The following C17orf75 variants were observed in gnomAD, a reference collection of about 807,000 sequenced individuals.
C17orf75 encodes protein Njmu-R1.
In C17orf75, 32 loss-of-function variants were observed where a neutral mutation model predicts 49.6. The ratio of observed to expected loss-of-function variants is 0.65; its 90% CI spans 0.49 to 0.87. The LOEUF (loss-of-function observed/expected upper bound fraction) is 0.87. C17orf75 is among the 40% of genes least tolerant of loss of function. C17orf75 has a pLI of 0.00. For synonymous variants in C17orf75, 158 were observed against 159.5 expected, an observed-to-expected ratio of 0.99 and a Z score of 0.07; for missense variants, 428 against 473.9, an observed-to-expected ratio of 0.90 and a Z score of 0.90.
chr17:32,349,913 G>T, intron 1 of C17orf75: 1 of 1,063,284 alleles, frequency 9.4e-7, no homozygotes, highest in Non-Finnish European at 1.1e-6. Context: ...TTTGTTTTCT[G>T]TTTTCCATTC....
At chr17:32,346,038 A>G (rs907591210), upstream of C17orf75, among the ~76,000 whole-genome samples, 1 of 152,210 alleles carries the variant, frequency 6.6e-6, no homozygotes, top group African/African-American at 2.4e-5. Context: ...CTATTTTAAA[A>G]TAAACACGAG....
chr17:32,341,449 A>T (rs962924546), intron 1 of C17orf75, among the ~76,000 whole-genome samples, 165 bp from the exon 2 acceptor site: 1 of 152,230 alleles, frequency 6.6e-6, no homozygotes, highest in African/African-American at 2.4e-5. Flanking sequence ...CAGTGCTGAC[A>T]AGAGCCCCTT....
chr17:32,348,948 C>A (rs1270417313), intron 1 of C17orf75, among the ~76,000 whole-genome samples: 1 of 146,454 alleles, frequency 6.8e-6, no homozygotes, highest in Non-Finnish European at 1.5e-5. Flanking sequence ...TCACTGCAAC[C>A]TTCACCTCCC....
rs2150772311 is a variant in C17orf75, at chr17:32,330,439, T to C, written c.*1324A>G. On this transcript the variant is annotated 3_prime_UTR_variant, in exon 10 of 10. Coordinates refer to ENST00000577809, the MANE Select transcript of C17orf75 (RefSeq NM_022344.4). The stretch of plus-strand genomic sequence containing the variant: ...GCTCCTCTGAGCATCCTCAGGGAAG[T>C]GAGAACACAAGACTTCTGTTCTTCT... The C allele has an allele frequency of 2.0e-5, 3 of 152,312 alleles. No individual in the cohort carries two copies. In the South Asian group the frequency reaches 6.2e-4, roughly 32 times the overall value. 9.4% of individuals were successfully genotyped at this position (152,312 alleles called of 1,614,324 possible).
At chr17:32,337,839 G>T (rs565678750) in intron 5 of C17orf75, 58 bp downstream of exon 5, 2 of 1,481,058 alleles carry the variant, frequency 1.4e-6, no homozygotes. Flanking sequence ...TTACAGGCGT[G>T]AGCCACTGAG....
In C17orf75 at chr17:32,339,911, TG is replaced by T; in HGVS notation, c.248del (p.Pro83HisfsTer33). Reference protein sequence around the residue: ...FSLSLADTNLPSEVEPELRSF... With the variant: ...FSLSLADTNLXSEVEPELRSF... ...TGCGCAGCTCTGGCTCCACTTCGGA[TG>T]GTAGATTAGTATCTGCCAAGGAGAG... On this transcript the variant is annotated frameshift_variant, in exon 3 of 10. Coordinates refer to ENST00000577809, the MANE Select transcript of C17orf75 (RefSeq NM_022344.4). LOFTEE classifies it high-confidence loss of function. 2 of 1,614,052 alleles carry T rather than the reference TG, an allele frequency of 1.2e-6. No individual in the cohort carries two copies. Among genetic ancestry groups the T allele is most frequent in the Non-Finnish European group, 1.7e-6 (2 of 1,179,890 alleles).
chr17:32,334,477 C>G lies in C17orf75; in HGVS notation c.863G>C (p.Cys288Ser), dbSNP rs1318557771. 1.2e-6 allele frequency: 2 copies of G among 1,611,606 alleles called. No homozygotes were observed. Among genetic ancestry groups the G allele is most frequent in the South Asian group, 2.2e-5 (2 of 90,388 alleles). The change falls in exon 8 of 10, where the codon TGC becomes TCC. Residue 288 changes from cysteine to serine, a missense_variant. By Grantham distance (112) the Cys-to-Ser change is moderately radical. Transcript: ENST00000577809. Reference protein sequence around the residue: ...IDCSSSQPQFCNAGSNRFCED... With the variant: ...IDCSSSQPQFSNAGSNRFCED... The stretch of plus-strand genomic sequence containing the variant: ...CAGAGGTTGTAGCTCACCTGCATTG[C>G]AGAACTGAGGCTGGGAGCTGCTGCA...
intron 1 of C17orf75, among the ~76,000 whole-genome samples, chr17:32,347,972 A>G (rs747440809): frequency 3.9e-5 from 6 of 151,914 alleles, no homozygotes; most frequent in Non-Finnish European, 8.8e-5. Flanking sequence ...AGTCTCCCAA[A>G]GCACGGCAAT....
intron 9 of C17orf75, among the ~76,000 whole-genome samples, chr17:32,332,350 CA>C (rs1384210354): frequency 1.3e-5 from 2 of 152,200 alleles, no homozygotes; most frequent in African/African-American, 4.8e-5. Context: ...CCATGTTGGT[CA>C]GGCTGGTCTC....
chr17:32,334,968 C>T, intron 6 of C17orf75, 129 bp from the exon 7 acceptor site: 1 of 728,572 alleles, frequency 1.4e-6, no homozygotes, highest in Non-Finnish European at 2.2e-6. Context: ...GTCACAAGCT[C>T]TCCAGAGCCT....
At position 32,331,929 on chromosome 17, in the gene C17orf75, A is replaced by C. The variant is rs971291089; in HGVS notation, c.1025T>G (p.Met342Arg). ...NLKRFIRQAEMNHYALFKCYM... is the reference protein window; with the variant it reads ...NLKRFIRQAERNHYALFKCYM... ...ACATTTAAACAAAGCATAATGATTC[A>C]TTTCTGCCTGTCGGATAAATCTCTT... is the stretch of plus-strand genomic sequence containing the variant. The change falls in exon 10 of 10, where the codon ATG (methionine) becomes AGG (arginine). Residue 342 changes from methionine (M) to arginine (R), a missense_variant. Met to Arg is a moderately conservative substitution (Grantham distance 91, BLOSUM62 -1). Transcript: ENST00000577809. The C allele has an allele frequency of 1.2e-6, 2 of 1,613,312 alleles. No individual in the cohort carries two copies. The highest frequency in any genetic ancestry group is 2.7e-5 in the African/African-American group (2 of 74,902).
Position 32,329,673 on chromosome 17 carries a change from ACT to A in C17orf75, c.*2088_*2089del, listed in dbSNP as rs1415173018. 3 of 152,236 alleles carry A rather than the reference ACT, an allele frequency of 2.0e-5. No homozygotes were observed. The highest frequency in any genetic ancestry group is 7.2e-5 in the African/African-American group (3 of 41,534). The allele number at this position is 152,236 out of a possible 1,614,324, so 9.4% of individuals were successfully genotyped here. On this transcript the variant is annotated 3_prime_UTR_variant, in exon 10 of 10. Transcript: ENST00000577809. The stretch of plus-strand genomic sequence containing the variant: ...CTTTTAAATGCCATTTACAACATAG[ACT>A]CTTGAATGACATGAATTTGAAAATG...
chr17:32,339,670 T>C (rs1410988570), intron 3 of C17orf75, 143 bp downstream of exon 3: 8 of 1,014,182 alleles, frequency 7.9e-6, no homozygotes, highest in Non-Finnish European at 1.2e-5. Context: ...CAAATGTTTA[T>C]GTGTGAGGCC....
chr17:32,343,835 T>G (rs76996905), upstream of C17orf75: 3 of 674,644 alleles, frequency 4.4e-6, no homozygotes, highest in African/African-American at 3.5e-5. Context: ...TGAGATATAC[T>G]TGATTTTAGT....
At chr17:32,334,321 T>C in intron 8 of C17orf75, 148 bp downstream of exon 8, 1 of 1,045,418 alleles carries the variant, frequency 9.6e-7, no homozygotes, top group Non-Finnish European at 1.3e-6. Context: ...TAGAATTATA[T>C]TGTTTTCACC....
chr17:32,339,171 C>T (rs758351821), intron 3 of C17orf75, among the ~76,000 whole-genome samples: 34 of 151,824 alleles, frequency 2.2e-4, no homozygotes, highest in Non-Finnish European at 4.4e-4. Context: ...CATGTTTAAG[C>T]CTGAACTCCA....
chr17:32,346,864 T>A (rs796897901), upstream of C17orf75, among the ~76,000 whole-genome samples: 3 of 152,340 alleles, frequency 2.0e-5, no homozygotes, highest in African/African-American at 7.2e-5. Context: ...GCTTATTGCT[T>A]TCATAGTAAA....
At chr17:32,338,148 C>T in intron 4 of C17orf75, 60 bp downstream of exon 4, 2 of 1,588,396 alleles carry the variant, frequency 1.3e-6, no homozygotes, top group Non-Finnish European at 1.7e-6. Flanking sequence ...TAGTAATATT[C>T]TTCCACCTGC....
At chr17:32,338,816 C>T (rs1379944463) in intron 3 of C17orf75, among the ~76,000 whole-genome samples, 1 of 152,110 alleles carries the variant, frequency 6.6e-6, no homozygotes, top group Non-Finnish European at 1.5e-5. Context: ...GGAGGCCGGG[C>T]ACAGTGGCTC....
Sources: gnomAD v4.1 joint callset for allele counts (sites outside exome capture counted in the v4.1 genomes callset) on GRCh38, gnomAD v4.1.1 for gene constraint, MANE v1.5 for transcripts, NCBI Gene and HGNC (gene_info 2026-07-23, HGNC 2026-07-21) for gene names.